The following L3MBTL3 variants were observed in gnomAD, a reference collection of about 807,000 sequenced individuals.
L3MBTL3 encodes the protein L3MBTL histone methyl-lysine binding protein 3.
L3MBTL3 carries 27 observed loss-of-function variants against 102.3 expected under a neutral mutation model. The ratio of observed to expected loss-of-function variants is 0.26; its 90% confidence interval spans 0.19 to 0.36. The LOEUF (loss-of-function observed/expected upper bound fraction) is 0.36. Ranked by LOEUF, L3MBTL3 falls within the 10% of genes least tolerant of loss-of-function variation. The pLI is 1.00. For synonymous variants in L3MBTL3, 340 were observed against 320.9 expected (o/e 1.06, Z -0.64); for missense variants, 798 against 955.3 (o/e 0.84, Z 2.17).
intron 19 of L3MBTL3, among the ~76,000 whole-genome samples, chr6:130,113,266 A>G (rs1562323167): frequency 6.6e-6 from 1 of 152,134 alleles, no homozygotes; most frequent in Admixed American, 6.5e-5. Flanking sequence ...AGGAATCTTC[A>G]TTTTTTAACC....
At chr6:130,105,669 C>G (rs996153382) in intron 19 of L3MBTL3, among the ~76,000 whole-genome samples, 6 of 149,402 alleles carry the variant, frequency 4.0e-5, no homozygotes, top group African/African-American at 1.5e-4. Flanking sequence ...CGGTTATTAA[C>G]TCATGTAGAC....
intron 1 of L3MBTL3, 116 bp downstream of exon 1, chr6:130,018,780 G>A (rs1264107450): frequency 6.6e-6 from 1 of 152,252 alleles, no homozygotes; most frequent in Non-Finnish European, 1.5e-5. Flanking sequence ...TAGAGGGAAG[G>A]AAGCGCACCC....
intron 13 of L3MBTL3, among the ~76,000 whole-genome samples, chr6:130,073,874 T>C (rs1782784687): frequency 6.6e-6 from 1 of 152,184 alleles, no homozygotes; most frequent in Non-Finnish European, 1.5e-5. Flanking sequence ...GGAATGTACT[T>C]TGAGGATTAC....
At chr6:130,092,993 C>A in intron 17 of L3MBTL3, 134 bp downstream of exon 17, 1 of 511,610 alleles carries the variant, frequency 2.0e-6, no homozygotes, top group Non-Finnish European at 3.4e-6. Context: ...CTTCCTTTTA[C>A]TACATTTTAA....
chr6:130,048,245 C>T (rs1422190300), intron 3 of L3MBTL3, among the ~76,000 whole-genome samples: 3 of 152,154 alleles, frequency 2.0e-5, no homozygotes, highest in Admixed American at 6.5e-5. Flanking sequence ...ATAATTTGCT[C>T]ATAATTTCTG....
At chr6:130,035,342 A>G (rs1313336233) in intron 2 of L3MBTL3, among the ~76,000 whole-genome samples, 1 of 152,148 alleles carries the variant, frequency 6.6e-6, no homozygotes, top group African/African-American at 2.4e-5. Flanking sequence ...TTTACATGAG[A>G]GAGTGAGGAG....
chr6:130,109,766 C>T (rs1388579208), intron 19 of L3MBTL3, among the ~76,000 whole-genome samples: 1 of 152,162 alleles, frequency 6.6e-6, no homozygotes, highest in East Asian at 1.9e-4. Context: ...GTGTTTTAGT[C>T]ATGAAGTCTT....
chr6:130,109,826 T>A (rs2115400646), intron 19 of L3MBTL3, among the ~76,000 whole-genome samples: 1 of 152,340 alleles, frequency 6.6e-6, no homozygotes, highest in Admixed American at 6.5e-5. Context: ...CTTCTAGGGT[T>A]TTGGGTTTTA....
chr6:130,100,146 T>A (rs780190047), intron 18 of L3MBTL3, among the ~76,000 whole-genome samples: 2 of 140,898 alleles, frequency 1.4e-5, no homozygotes, highest in Admixed American at 6.8e-5. Flanking sequence ...AGGAACTACT[T>A]CTTAGGATTG....
intron 19 of L3MBTL3, among the ~76,000 whole-genome samples, chr6:130,115,195 T>G (rs1027847865): frequency 6.6e-6 from 1 of 152,134 alleles, no homozygotes; most frequent in Non-Finnish European, 1.5e-5. Context: ...CCCATGAGAC[T>G]AGAATAAGCT....
At position 130,070,958 on chromosome 6, in the gene L3MBTL3, A is replaced by T; in HGVS notation, c.1093-18A>T. The T allele has an allele frequency of 6.2e-7, 1 of 1,609,500 alleles. No individual in the cohort carries two copies. The highest frequency in any genetic ancestry group is 8.5e-7 in the Non-Finnish European group (1 of 1,177,460). On this transcript the variant is annotated intron_variant, in intron 12 of 22. Coordinates refer to ENST00000361794, the MANE Select transcript of L3MBTL3 (RefSeq NM_032438.4). Reference sequence around the variant, plus strand: ...CAAGTGTGTGCTTATCTCTAATTAAATCTGTGTGTTTCCATAGACAGTGAT... The same window carrying T: ...CAAGTGTGTGCTTATCTCTAATTAATTCTGTGTGTTTCCATAGACAGTGAT...
At chr6:130,033,999 CT>C (rs1779890744) in intron 2 of L3MBTL3, among the ~76,000 whole-genome samples, 1 of 152,176 alleles carries the variant, frequency 6.6e-6, no homozygotes, top group Non-Finnish European at 1.5e-5. Flanking sequence ...CACTCTTTTG[CT>C]TTGTGCTGTG....
At chr6:130,039,352 A>C (rs1463827470) in intron 2 of L3MBTL3, among the ~76,000 whole-genome samples, 2 of 152,178 alleles carry the variant, frequency 1.3e-5, no homozygotes, top group African/African-American at 4.8e-5. Flanking sequence ...ATATCATAAA[A>C]TATCCAATTT....
chr6:130,114,434 G>A (rs1282596753), intron 19 of L3MBTL3, among the ~76,000 whole-genome samples: 1 of 152,162 alleles, frequency 6.6e-6, no homozygotes. Flanking sequence ...CAACAACAAA[G>A]TAATAGAGTC....
At chr6:130,028,768 A>G (rs61108983) in intron 2 of L3MBTL3, among the ~76,000 whole-genome samples, 2,099 of 152,264 alleles carry the variant, frequency 0.014, 44 homozygotes, top group African/African-American at 0.046. Flanking sequence ...TCTTATCCTT[A>G]TTGAATAAGT....
At chr6:130,063,520 G>A (rs1782047131) in intron 10 of L3MBTL3, among the ~76,000 whole-genome samples, 1 of 152,130 alleles carries the variant, frequency 6.6e-6, no homozygotes, top group Admixed American at 6.5e-5. Context: ...TGCTCTTAGG[G>A]GAAATAGAGG....
intron 14 of L3MBTL3, among the ~76,000 whole-genome samples, chr6:130,079,115 G>T (rs983398343): frequency 5.3e-5 from 8 of 152,170 alleles, no homozygotes; most frequent in African/African-American, 1.7e-4. Flanking sequence ...CAGCATTTGT[G>T]TGTGGATTGG....
intron 20 of L3MBTL3, among the ~76,000 whole-genome samples, chr6:130,128,359 C>T (rs1056206809): frequency 1.3e-5 from 2 of 152,096 alleles, no homozygotes; most frequent in African/African-American, 4.8e-5. Flanking sequence ...GCTGCTCTGC[C>T]TTGCAGAGCA....
chr6:130,022,379 A>AGG (rs1554218924), intron 2 of L3MBTL3, 74 bp downstream of exon 2: 1 of 152,212 alleles, frequency 6.6e-6, no homozygotes, highest in Non-Finnish European at 1.5e-5. Flanking sequence ...GAGATCAGGA[A>AGG]GGAGAGTATG....
Sources: allele counts gnomAD v4.1 joint callset (sites outside exome capture counted in the v4.1 genomes callset), GRCh38; gene constraint gnomAD v4.1.1; transcripts MANE v1.5; gene names NCBI Gene and HGNC (gene_info 2026-07-23, HGNC 2026-07-21).